TRMT11: variants seen among roughly 807,000 people sequenced by gnomAD.
TRMT11 encodes tRNA (guanine(10)-N(2))-methyltransferase TRMT11.
Under a neutral mutation model 62.8 loss-of-function variants are expected in TRMT11, and 53 were observed. The observed-to-expected ratio is 0.84, with a 90% confidence interval of 0.68 to 1.06. TRMT11 has a LOEUF of 1.06. Ranked by LOEUF, TRMT11 falls within the 50% of genes least tolerant of loss-of-function variation. TRMT11 has a pLI of 0.00. For synonymous variants in TRMT11, 188 were observed against 190.3 expected (o/e 0.99, Z 0.10); for missense variants, 556 against 553.4 (o/e 1.00, Z -0.05).
chr6:126,218,849 G>A, the TRMT11 span, among the ~76,000 whole-genome samples: 3 of 152,172 alleles, frequency 2.0e-5, no homozygotes, highest in African/African-American at 7.2e-5. Context: ...ACTTTAGCCT[G>A]TGGTGATGAG....
intron 12 of TRMT11, among the ~76,000 whole-genome samples, chr6:126,021,788 AT>A (rs1562276444): frequency 6.6e-6 from 1 of 152,250 alleles, no homozygotes. Flanking sequence ...TTCTTATAAA[AT>A]TCATACTCTC....
At chr6:126,217,084 T>G in the TRMT11 span, among the ~76,000 whole-genome samples, 14 of 152,342 alleles carry the variant, frequency 9.2e-5, no homozygotes, top group Admixed American at 6.5e-4. Flanking sequence ...TGCTGCTTGA[T>G]TCTTTTTAAT....
chr6:126,118,423 T>C (rs1215555298), intron 21 of TRMT11, among the ~76,000 whole-genome samples: 1 of 152,098 alleles, frequency 6.6e-6, no homozygotes, highest in Admixed American at 6.6e-5. Context: ...CAAAATTCTC[T>C]AAAACAATAC....
At chr6:126,050,284 T>A (rs1007396573) in intron 16 of TRMT11, among the ~76,000 whole-genome samples, 20 of 147,608 alleles carry the variant, frequency 1.4e-4, no homozygotes, top group African/African-American at 4.8e-4. Context: ...GAGCCAAGAT[T>A]GTGCCACTGC....
Position 126,143,372 on chromosome 6 carries a change from G to T in TRMT11, c.*1823+27517G>T, listed in dbSNP as rs545456077. Among the ~76,000 whole-genome samples, 75 of 152,100 alleles carry T rather than the reference G, an allele frequency of 4.9e-4. 1 individual carries two copies. Among genetic ancestry groups the T allele is most frequent in the South Asian group, 4.0e-3 (19 of 4,798 alleles). On this transcript the variant is annotated intron_variant and NMD_transcript_variant, in intron 21 of 22. Coordinates refer to the TRMT11 transcript ENST00000648977. ...AATGAAGATAAATGGAAAATTTTAGGTTGAAAGAAAAATGAGATTACTTAT... is the reference window on the plus strand; with the variant it reads ...AATGAAGATAAATGGAAAATTTTAGTTTGAAAGAAAAATGAGATTACTTAT...
intron 11 of TRMT11, among the ~76,000 whole-genome samples, chr6:126,017,666 G>C (rs900869243): frequency 6.6e-5 from 10 of 152,242 alleles, no homozygotes; most frequent in Admixed American, 3.3e-4. Context: ...CACCACTTCT[G>C]TGACACTTTC....
At chr6:126,164,189 G>T (rs1447110374) in intron 21 of TRMT11, among the ~76,000 whole-genome samples, 1 of 152,168 alleles carries the variant, frequency 6.6e-6, no homozygotes, top group Non-Finnish European at 1.5e-5. Flanking sequence ...GTTCTCATTG[G>T]TTTCAAATAA....
At chr6:126,268,945 C>G in the TRMT11 span, among the ~76,000 whole-genome samples, 1 of 151,422 alleles carries the variant, frequency 6.6e-6, no homozygotes, top group South Asian at 2.1e-4. Context: ...GAATTGATAC[C>G]AAACATATTA....
intron 21 of TRMT11, among the ~76,000 whole-genome samples, chr6:126,157,726 G>T (rs1439500699): frequency 3.3e-5 from 5 of 152,100 alleles, no homozygotes; most frequent in Non-Finnish European, 1.5e-5. Flanking sequence ...TGATGAAAAG[G>T]AATTAAATTT....
At chr6:126,072,526 A>G (rs1776887618) in intron 17 of TRMT11, among the ~76,000 whole-genome samples, 1 of 152,240 alleles carries the variant, frequency 6.6e-6, no homozygotes, top group African/African-American at 2.4e-5. Flanking sequence ...TAAACTTGAT[A>G]CCAAGAGCTC....
chr6:126,064,743 A>C (rs1049977382), intron 17 of TRMT11, among the ~76,000 whole-genome samples: 3 of 152,232 alleles, frequency 2.0e-5, no homozygotes, highest in African/African-American at 7.2e-5. Flanking sequence ...TTGAAAAGGA[A>C]GGAGACAGCT....
At position 126,094,566 on chromosome 6, in the gene TRMT11, C is replaced by T. The variant is rs535409542; in HGVS notation, c.*1438-18300C>T. Among the ~76,000 whole-genome samples the T allele has an allele frequency of 1.6e-3, 244 of 152,312 alleles. 3 individuals carry two copies. Among genetic ancestry groups the T allele is most frequent in the African/African-American group, 5.5e-3 (230 of 41,582 alleles). Reference sequence around the variant, plus strand: ...TGCCCAAACCTTAGGCCACAATAGGCACACATTTCCACATTTCCTTTAGTC... The same window carrying T: ...TGCCCAAACCTTAGGCCACAATAGGTACACATTTCCACATTTCCTTTAGTC... On this transcript the variant is annotated intron_variant and NMD_transcript_variant, in intron 17 of 22. Coordinates refer to the TRMT11 transcript ENST00000648977.
At chr6:126,132,229 A>G (rs1777793852) in intron 21 of TRMT11, among the ~76,000 whole-genome samples, 1 of 152,076 alleles carries the variant, frequency 6.6e-6, no homozygotes, top group Non-Finnish European at 1.5e-5. Context: ...CTGTATGTGT[A>G]TGAGGTGGCA....
At chr6:126,023,415 C>T (rs1408876487) in intron 12 of TRMT11, among the ~76,000 whole-genome samples, 4 of 152,108 alleles carry the variant, frequency 2.6e-5, no homozygotes, top group South Asian at 2.1e-4. Context: ...TTTGGGAGGC[C>T]GAGGTGGGCA....
intron 16 of TRMT11, among the ~76,000 whole-genome samples, chr6:126,051,981 T>C (rs941303690): frequency 1.3e-5 from 2 of 152,190 alleles, no homozygotes; most frequent in East Asian, 3.8e-4. Context: ...CTGTGCCGTT[T>C]TCCCCCAGCA....
downstream of TRMT11, among the ~76,000 whole-genome samples, chr6:126,203,103 G>A (rs888609623): frequency 6.6e-6 from 1 of 152,186 alleles, no homozygotes; most frequent in Non-Finnish European, 1.5e-5. Context: ...TAGCTTGTGA[G>A]TGAGCATGAG....
At chr6:126,055,004 G>A (rs1028921828) in intron 17 of TRMT11, among the ~76,000 whole-genome samples, 1 of 152,170 alleles carries the variant, frequency 6.6e-6, no homozygotes, top group African/African-American at 2.4e-5. Context: ...TGGCTCTATA[G>A]CCCAGGTTGT....
At chr6:125,993,153 A>T (rs1217870366) in intron 1 of TRMT11, among the ~76,000 whole-genome samples, 7 of 152,126 alleles carry the variant, frequency 4.6e-5, no homozygotes, top group Non-Finnish European at 1.5e-5. Flanking sequence ...TAAGGAGATA[A>T]CTTGTTAGTC....
chr6:126,002,007 A>G (rs1410377444), intron 7 of TRMT11, among the ~76,000 whole-genome samples: 1 of 152,106 alleles, frequency 6.6e-6, no homozygotes, highest in African/African-American at 2.4e-5. Context: ...GCTCTTTCAC[A>G]TTGAATCTGT....
Sources: allele counts gnomAD v4.1 joint callset (sites outside exome capture counted in the v4.1 genomes callset), GRCh38; gene constraint gnomAD v4.1.1; transcripts MANE v1.5; gene names NCBI Gene and HGNC (gene_info 2026-07-23, HGNC 2026-07-21).